The following DNAH10 variants were observed in gnomAD, a reference collection of about 807,000 sequenced individuals.
DNAH10 encodes the protein dynein axonemal heavy chain 10.
DNAH10 carries 348 observed loss-of-function variants against 506.6 expected under a neutral mutation model. That is an observed-to-expected ratio of 0.69 (90% confidence interval 0.63 to 0.75). The LOEUF (loss-of-function observed/expected upper bound fraction) is 0.75, where lower values mean the gene tolerates loss of function less well. DNAH10 is among the 30% of genes least tolerant of loss of function. The pLI is 0.00. For missense variants in DNAH10, 5,179 were observed against 5,787.1 expected, an observed-to-expected ratio of 0.89 and a Z score of 3.41; for synonymous variants, 2,059 against 2,198.6, an observed-to-expected ratio of 0.94 and a Z score of 1.78.
rs77830519 is a variant in DNAH10 at position 123,915,076 on chromosome 12, G to A, written c.10722+77G>A. 1.5e-3 allele frequency: 2,256 copies of A among 1,489,448 alleles called. 21 individuals are homozygous for A. In the African/African-American group the frequency reaches 0.025, roughly 17 times the overall value. 92.3% of individuals were successfully genotyped at this position (1,489,448 alleles called of 1,614,324 possible). On this transcript the variant is annotated intron_variant, in intron 62 of 78. Transcript: ENST00000673944. ...AGAATGCCCCTCCCGCCTCCTGTAC[G>A]TGGCAGTCCCTAGCCTCAGCGAGGC... is the stretch of plus-strand genomic sequence containing the variant.
In DNAH10 at chr12:123,926,640, T is replaced by G; in HGVS notation, c.11925T>G (p.Tyr3975Ter). 2 of 1,611,734 alleles carry G rather than the reference T, an allele frequency of 1.2e-6. No homozygotes were observed. Among genetic ancestry groups the G allele is most frequent in the Non-Finnish European group, 1.7e-6 (2 of 1,178,764 alleles). ...DYVTVTMGEK[Y>*]VQPPMISFEA... The stretch of plus-strand genomic sequence containing the variant: ...CTGACTGTGTTTCTTTCACCAGGTA[T>G]GTGCAGCCCCCAATGATCAGCTTTG... The change falls in exon 69 of 79, where the codon TAT becomes TAG. Residue 3975 changes from tyrosine (Y) to a stop codon, truncating the protein, a stop_gained. Transcript: ENST00000673944. LOFTEE classifies it high-confidence loss of function. This position sits in a 1 kb window ranked among gnomAD's most constrained non-coding sequence, Gnocchi z 4.1.
At chr12:123,815,177 C>G (rs1008846217) in intron 21 of DNAH10, among the ~76,000 whole-genome samples, 9 of 152,130 alleles carry the variant, frequency 5.9e-5, no homozygotes, top group African/African-American at 2.2e-4. Flanking sequence ...AACATGTTCT[C>G]TCTCTCTTTA....
At position 123,813,432 on chromosome 12, in the gene DNAH10, C is replaced by G; in HGVS notation, c.3413C>G (p.Ala1138Gly). The change falls in exon 20 of 79, where the codon GCA becomes GGA. Residue 1138 changes from alanine to glycine, a missense_variant. Physicochemically the swap from Ala to Gly is moderately conservative, Grantham distance 60. Transcript: ENST00000673944. ...KFAAKKPPCV[A>G]YDEKLQFYSK... ...GCTGCCAAGAAACCTCCTTGTGTAGCATATGATGAAAAGTTGCAGTTCTAT... is the reference window on the plus strand; with the variant it reads ...GCTGCCAAGAAACCTCCTTGTGTAGGATATGATGAAAAGTTGCAGTTCTAT... The G allele has an allele frequency of 6.2e-7, 1 of 1,614,200 alleles. No homozygotes were observed.
chr12:123,854,775 TATTC>T (rs796161742), intron 36 of DNAH10, among the ~76,000 whole-genome samples: 5 of 152,372 alleles, frequency 3.3e-5, no homozygotes, highest in African/African-American at 1.2e-4. Flanking sequence ...CCTTTGTTCT[TATTC>T]AGTAAATCTA....
chr12:123,802,226 G>A (rs1383048636), intron 16 of DNAH10, among the ~76,000 whole-genome samples: 1 of 152,222 alleles, frequency 6.6e-6, no homozygotes, highest in Non-Finnish European at 1.5e-5. Context: ...TGTGTGACAG[G>A]AGTCTTCACT....
chr12:123,842,845 C>T (rs540416131), intron 30 of DNAH10, among the ~76,000 whole-genome samples: 3 of 152,220 alleles, frequency 2.0e-5, no homozygotes, highest in African/African-American at 7.2e-5. Context: ...CCAGAATATT[C>T]GACAGTTAGT....
chr12:123,818,570 C>T (rs1411337408), intron 21 of DNAH10, among the ~76,000 whole-genome samples: 2 of 152,024 alleles, frequency 1.3e-5, no homozygotes, highest in East Asian at 1.9e-4. Context: ...GTGACCCACC[C>T]GCCTCAGCCT....
chr12:123,846,140 C>T lies in DNAH10; in HGVS notation c.5800C>T (p.Leu1934=), dbSNP rs756738959. The change falls in exon 32 of 79, where the codon CTG becomes TTG. Residue 1934 remains leucine (L), a synonymous_variant. Transcript: ENST00000673944. This position sits in a 1 kb window ranked among gnomAD's most constrained non-coding sequence, Gnocchi z 4.5. Reference sequence around the variant, plus strand: ...CACGCCCCTCACCGATCGGATTTACCTGACGCTCACCCAGGTGACTGCCAG... The same window carrying T: ...CACGCCCCTCACCGATCGGATTTACTTGACGCTCACCCAGGTGACTGCCAG... ...VITPLTDRIY[L]TLTQALSMYL... 1.9e-6 allele frequency: 3 copies of T among 1,612,638 alleles called. No individual in the cohort carries two copies. The highest frequency in any genetic ancestry group is 1.7e-6 in the Non-Finnish European group (2 of 1,179,256).
At chr12:123,839,433 T>C (rs977709022) in intron 29 of DNAH10, among the ~76,000 whole-genome samples, 10 of 152,114 alleles carry the variant, frequency 6.6e-5, no homozygotes, top group Non-Finnish European at 1.5e-4. Flanking sequence ...ACCCCAATGG[T>C]TACCTGTTTC....
chr12:123,908,140 TCTGTCTCCTCCCTGTCTCC>T lies in DNAH10; in HGVS notation c.9816-1102_9816-1084del, dbSNP rs1566083039. On this transcript the variant is annotated intron_variant, in intron 57 of 78. Transcript: ENST00000673944. Reference sequence around the variant, plus strand: ...TGTCTCTCTGTCTCCTCCCTGTCTCTCTGTCTCCTCCCTGTCTCCCTGTCTCCTCCCTGTCTCTCTGTCT... The same window carrying T: ...TGTCTCTCTGTCTCCTCCCTGTCTCTCTGTCTCCTCCCTGTCTCTCTGTCT... Among the ~76,000 whole-genome samples, 71 of 106,116 alleles carry T rather than the reference TCTGTCTCCTCCCTGTCTCC, an allele frequency of 6.7e-4. No individual in the cohort carries two copies. In the South Asian group the frequency reaches 9.5e-3, roughly 14 times the overall value. 69.6% of individuals were successfully genotyped at this position (106,116 alleles called of 152,430 possible).
Position 123,847,960 on chromosome 12 carries a change from G to T in DNAH10, c.5815-1G>T. On this transcript the variant is annotated splice_acceptor_variant, in intron 32 of 78. Coordinates refer to ENST00000673944, the MANE Select transcript of DNAH10 (RefSeq NM_001372106.1). LOFTEE classifies it high-confidence loss of function. Reference sequence around the variant, plus strand: ...TATGTTTTGCATTTGGCTTATAACAGGCGCTGTCCATGTATCTAGGTGGGG... The same window carrying T: ...TATGTTTTGCATTTGGCTTATAACATGCGCTGTCCATGTATCTAGGTGGGG... The T allele has an allele frequency of 6.2e-7, 1 of 1,607,166 alleles. No individual in the cohort carries two copies. Among genetic ancestry groups the T allele is most frequent in the South Asian group, 1.1e-5 (1 of 90,608 alleles).
At chr12:123,851,653 G>A (rs1410493807) in intron 35 of DNAH10, among the ~76,000 whole-genome samples, 1 of 152,180 alleles carries the variant, frequency 6.6e-6, no homozygotes, top group African/African-American at 2.4e-5. Flanking sequence ...TAGACGTTGT[G>A]TGGATTTCAC....
chr12:123,896,148 C>CACAGAGAGAGAGAGAG (rs1383690518), intron 54 of DNAH10, among the ~76,000 whole-genome samples: 1 of 95,272 alleles, frequency 1.0e-5, no homozygotes, highest in Non-Finnish European at 1.9e-5. Flanking sequence ...CACACACACA[C>CACAGAGAGAGAGAGAG]AGAGAGAGAG....
chr12:123,809,188 G>A (rs538605433), intron 19 of DNAH10, among the ~76,000 whole-genome samples: 24 of 152,180 alleles, frequency 1.6e-4, no homozygotes, highest in Middle Eastern at 6.8e-3. Flanking sequence ...AGCCCTGCCC[G>A]GCTCACATCA....
At chr12:123,860,316 G>A (rs890376513) in intron 38 of DNAH10, among the ~76,000 whole-genome samples, 2 of 152,184 alleles carry the variant, frequency 1.3e-5, no homozygotes, top group African/African-American at 2.4e-5. Context: ...GTGGCTTACT[G>A]ACTCTAAGTG....
At chr12:123,901,283 C>T (rs1953507580) in intron 56 of DNAH10, among the ~76,000 whole-genome samples, 1 of 152,222 alleles carries the variant, frequency 6.6e-6, no homozygotes. Context: ...TGGCACCACC[C>T]CCCACCCCCG....
chr12:123,808,855 A>T lies in DNAH10; in HGVS notation c.3046A>T (p.Thr1016Ser). The change falls in exon 19 of 79, where the codon ACC (threonine) becomes TCC (serine). Residue 1016 changes from threonine (T) to serine (S), a missense_variant. Transcript: ENST00000673944. Reference protein sequence around the residue: ...LGNVPLFHTETILTAPEIILH... With the variant: ...LGNVPLFHTESILTAPEIILH... ...AAATGTCCCTCTGTTCCACACTGAA[A>T]CCATTCTGACGGCACCTGAGATCAT... is the stretch of plus-strand genomic sequence containing the variant. 1 of 1,614,106 alleles carries T rather than the reference A, an allele frequency of 6.2e-7. No homozygotes were observed. The highest frequency in any genetic ancestry group is 8.5e-7 in the Non-Finnish European group (1 of 1,180,014).
At chr12:123,876,653 T>A (rs1227941333) in intron 47 of DNAH10, among the ~76,000 whole-genome samples, 1 of 147,870 alleles carries the variant, frequency 6.8e-6, no homozygotes, top group South Asian at 2.2e-4. Context: ...ATAAAAAAAT[T>A]AAAAATAAGT....
At chr12:123,898,036 C>A (rs898387316) in intron 55 of DNAH10, 69 bp downstream of exon 55, 10 of 1,408,258 alleles carry the variant, frequency 7.1e-6, no homozygotes, top group Non-Finnish European at 8.5e-6. Flanking sequence ...GAGCGCTGAT[C>A]TTTTCTTTAG....
Sources: allele counts gnomAD v4.1 joint callset (sites outside exome capture counted in the v4.1 genomes callset), GRCh38; gene constraint gnomAD v4.1.1; non-coding constraint Gnocchi (gnomAD v3.1); transcripts MANE v1.5; gene names NCBI Gene and HGNC (gene_info 2026-07-23, HGNC 2026-07-21).